The following NDUFS4 variants were observed in gnomAD, a reference collection of about 807,000 sequenced individuals.
NDUFS4 encodes NADH:ubiquinone oxidoreductase subunit S4.
A neutral mutation model predicts 24.3 loss-of-function variants in NDUFS4; 28 were observed. The ratio of observed to expected loss-of-function variants is 1.15; its 90% CI spans 0.85 to 1.58. The LOEUF is 1.58. NDUFS4 is among the 40% of genes most tolerant of loss of function. The pLI, the probability that NDUFS4 is intolerant of heterozygous loss-of-function variation, is 0.00. For synonymous variants in NDUFS4, 93 were observed against 69.7 expected, an observed-to-expected ratio of 1.34 and a Z score of -1.67; for missense variants, 223 against 207.9, an observed-to-expected ratio of 1.07 and a Z score of -0.45.
Position 53,658,531 on chromosome 5 carries a change from A to G in NDUFS4, c.351-20A>G, listed in dbSNP as rs180828073. ...CTAAAGCTTAATGTTAAATCTTGGA[A>G]AAAAATTTGTTTCTTACAGGGCTGA... On this transcript the variant is annotated intron_variant, in intron 3 of 4. Coordinates refer to ENST00000296684, the MANE Select transcript of NDUFS4 (RefSeq NM_002495.4). 6.3e-7 allele frequency: 1 copy of G among 1,597,954 alleles called. No homozygotes were observed. Among genetic ancestry groups the G allele is most frequent in the African/African-American group, 1.3e-5 (1 of 74,644 alleles).
At chr5:53,668,362 G>A (rs942831333) in intron 4 of NDUFS4, among the ~76,000 whole-genome samples, 4 of 152,116 alleles carry the variant, frequency 2.6e-5, no homozygotes, top group South Asian at 2.1e-4. Flanking sequence ...GAGAAGTCAT[G>A]AGCATGGTTT....
chr5:53,574,537 T>C (rs1451348344), intron 1 of NDUFS4, among the ~76,000 whole-genome samples: 1 of 152,198 alleles, frequency 6.6e-6, no homozygotes, highest in Non-Finnish European at 1.5e-5. Flanking sequence ...TTTTTTATTT[T>C]GGTACTGTGT....
In NDUFS4 at chr5:53,639,578, A is replaced by G. The variant is rs573807580; in HGVS notation, c.178-6655A>G. On this transcript the variant is annotated intron_variant, in intron 2 of 4. Coordinates refer to ENST00000296684, the MANE Select transcript of NDUFS4 (RefSeq NM_002495.4). ...AAGTTGACATCTTGTATAAAATGTT[A>G]TTATTGAAGAGTTCACTTACAAATT... is the stretch of plus-strand genomic sequence containing the variant. Among the ~76,000 whole-genome samples, 390 of 152,176 alleles carry G rather than the reference A, an allele frequency of 2.6e-3. 6 individuals carry two copies. Among genetic ancestry groups the G allele is most frequent in the African/African-American group, 9.0e-3 (376 of 41,576 alleles).
At chr5:53,632,781 A>G (rs542071872) in intron 2 of NDUFS4, among the ~76,000 whole-genome samples, 1 of 152,118 alleles carries the variant, frequency 6.6e-6, no homozygotes, top group Non-Finnish European at 1.5e-5. Context: ...TAACTTTCCT[A>G]GTTTTATAGT....
chr5:53,658,606 T>G lies in NDUFS4; in HGVS notation c.406T>G (p.Ser136Ala), dbSNP rs760391381. Residue 136 changes from serine to alanine, a missense_variant, in exon 4 of 5, where the codon TCC becomes GCC. By Grantham distance (99) the Ser-to-Ala change is moderately conservative. Coordinates refer to ENST00000296684, the MANE Select transcript of NDUFS4 (RefSeq NM_002495.4). ...CTTCAGTACTAAAGAAGATGCAGTT[T>G]CCTTTGCAGAAAAAAATGGTATGTT... is the stretch of plus-strand genomic sequence containing the variant. Reference protein sequence around the residue: ...LTFSTKEDAVSFAEKNGWSYD... With the variant: ...LTFSTKEDAVAFAEKNGWSYD... 70 of 1,612,730 alleles carry G rather than the reference T, an allele frequency of 4.3e-5. 1 individual carries two copies. In the South Asian group the frequency reaches 7.0e-4, roughly 16 times the overall value.
At chr5:53,580,338 A>G (rs1488212797) in intron 1 of NDUFS4, among the ~76,000 whole-genome samples, 1 of 152,222 alleles carries the variant, frequency 6.6e-6, no homozygotes, top group Non-Finnish European at 1.5e-5. Flanking sequence ...GACTCAACTA[A>G]AGAAACGGTA....
intron 3 of NDUFS4, among the ~76,000 whole-genome samples, chr5:53,653,096 G>T: frequency 6.6e-6 from 1 of 151,986 alleles, no homozygotes; most frequent in Admixed American, 6.5e-5. Flanking sequence ...GTGATCATTG[G>T]ACTCAGTACT....
At chr5:53,672,219 T>C (rs556789574) in intron 4 of NDUFS4, among the ~76,000 whole-genome samples, 15 of 151,950 alleles carry the variant, frequency 9.9e-5, no homozygotes, top group African/African-American at 3.6e-4. Flanking sequence ...CCATATATCT[T>C]TTAAAAAAAC....
Position 53,649,058 on chromosome 5 carries a change from A to G in NDUFS4, c.350+2653A>G, listed in dbSNP as rs190447244. ...AAAGGTGAGGGGATGCTCTCTGGCA[A>G]TTACTTTTCCTTATATCAGAAACAA... is the stretch of plus-strand genomic sequence containing the variant. On this transcript the variant is annotated intron_variant, in intron 3 of 4. Coordinates refer to ENST00000296684, the MANE Select transcript of NDUFS4 (RefSeq NM_002495.4). 6.1e-4 allele frequency among the ~76,000 whole-genome samples: 93 copies of G among 152,272 alleles called. 1 individual carries two copies. Among genetic ancestry groups the G allele is most frequent in the Non-Finnish European group, 2.1e-4 (14 of 68,018 alleles).
chr5:53,603,233 G>T (rs757369060), intron 1 of NDUFS4, among the ~76,000 whole-genome samples: 1 of 152,036 alleles, frequency 6.6e-6, no homozygotes, highest in Admixed American at 6.6e-5. Context: ...GACGTAAAGC[G>T]CAGCCTGTTG....
At chr5:53,638,665 A>G (rs2112498296) in intron 2 of NDUFS4, among the ~76,000 whole-genome samples, 1 of 152,214 alleles carries the variant, frequency 6.6e-6, no homozygotes, top group East Asian at 1.9e-4. Flanking sequence ...GTTTACCTAT[A>G]TAACAAACTT....
At chr5:53,643,361 A>C (rs1016056121) in intron 2 of NDUFS4, among the ~76,000 whole-genome samples, 2 of 152,176 alleles carry the variant, frequency 1.3e-5, no homozygotes, top group African/African-American at 4.8e-5. Flanking sequence ...ACAAAAGTAG[A>C]AATCCATAAA....
intron 2 of NDUFS4, among the ~76,000 whole-genome samples, chr5:53,618,997 A>C (rs1455733458): frequency 6.6e-6 from 1 of 151,714 alleles, no homozygotes; most frequent in African/African-American, 2.4e-5. Context: ...GTCTGTAGTC[A>C]CAGCTACTCA....
At chr5:53,609,576 T>G (rs946586493) in intron 2 of NDUFS4, among the ~76,000 whole-genome samples, 1 of 152,192 alleles carries the variant, frequency 6.6e-6, no homozygotes, top group Non-Finnish European at 1.5e-5. Flanking sequence ...GGAATTGCAT[T>G]AGCCTCTAAG....
chr5:53,576,231 T>C (rs1232714306), intron 1 of NDUFS4, among the ~76,000 whole-genome samples: 1 of 152,252 alleles, frequency 6.6e-6, no homozygotes, highest in Admixed American at 6.5e-5. Flanking sequence ...ATACAGTGTT[T>C]TGTTTATACT....
At chr5:53,659,937 TTAGAGAC>T (rs1752281113) in intron 4 of NDUFS4, among the ~76,000 whole-genome samples, 1 of 152,112 alleles carries the variant, frequency 6.6e-6, no homozygotes, top group Non-Finnish European at 1.5e-5. Flanking sequence ...ATAAAAGTGT[TTAGAGAC>T]TAGGGTCTGA....
chr5:53,680,997 G>A (rs1240379754), intron 4 of NDUFS4, among the ~76,000 whole-genome samples: 1 of 151,944 alleles, frequency 6.6e-6, no homozygotes, highest in African/African-American at 2.4e-5. Context: ...CATCTAAAGT[G>A]TTTTCTCCTA....
At chr5:53,663,653 AC>A (rs1752416659) in intron 4 of NDUFS4, among the ~76,000 whole-genome samples, 1 of 151,956 alleles carries the variant, frequency 6.6e-6, no homozygotes. Flanking sequence ...TAGGATTGCA[AC>A]CCTTGCCTTT....
At chr5:53,603,592 A>C in intron 2 of NDUFS4, 62 bp downstream of exon 2, 2 of 1,281,250 alleles carry the variant, frequency 1.6e-6, no homozygotes, top group Non-Finnish European at 2.3e-6. Flanking sequence ...TGTACTATAG[A>C]TATTCAGTAT....
Sources: allele counts gnomAD v4.1 joint callset (sites outside exome capture counted in the v4.1 genomes callset), GRCh38; gene constraint gnomAD v4.1.1; transcripts MANE v1.5; gene names NCBI Gene and HGNC (gene_info 2026-07-23, HGNC 2026-07-21).